Variants in PIK3C2B observed in about 807,000 individuals in gnomAD.
The protein encoded by PIK3C2B is phosphatidylinositol 4-phosphate 3-kinase C2 domain-containing subunit beta.
In PIK3C2B, 83 loss-of-function variants were observed where a neutral mutation model predicts 184.3. The ratio of observed to expected loss-of-function variants is 0.45; its 90% CI spans 0.38 to 0.54. The LOEUF is 0.54. Among genes scored for constraint, PIK3C2B ranks in the 20% least tolerant of loss-of-function variants. The pLI is 0.00. For synonymous variants in PIK3C2B, 779 were observed against 837.6 expected, an observed-to-expected ratio of 0.93 and a Z score of 1.21; for missense variants, 1,736 against 2,113.5, an observed-to-expected ratio of 0.82 and a Z score of 3.50.
chr1:204,422,925 G>A lies in PIK3C2B; in HGVS notation c.*1927C>T, dbSNP rs1028250165. The stretch of plus-strand genomic sequence containing the variant: ...ACTTCCATGCTGCCCTGTGGCTTCG[G>A]TCAATGGAGCTTCTTTCTCCAGTTA... On this transcript the variant is annotated 3_prime_UTR_variant, in exon 33 of 33. Coordinates refer to ENST00000684373, the MANE Select transcript of PIK3C2B (RefSeq NM_001377334.1). 6.6e-6 allele frequency: 1 copy of A among 152,458 alleles called. No homozygotes were observed. Among genetic ancestry groups the A allele is most frequent in the African/African-American group, 2.4e-5 (1 of 41,428 alleles). The allele number at this position is 152,458 out of a possible 1,614,324, so 9.4% of individuals were successfully genotyped here.
chr1:204,487,208 T>C (rs539736005), intron 1 of PIK3C2B, among the ~76,000 whole-genome samples: 1 of 151,716 alleles, frequency 6.6e-6, no homozygotes, highest in East Asian at 1.9e-4. Flanking sequence ...CCAGGTCAAG[T>C]GATCCTCCCA....
intron 12 of PIK3C2B, among the ~76,000 whole-genome samples, chr1:204,454,021 C>T (rs1038397845): frequency 3.3e-5 from 5 of 151,752 alleles, no homozygotes; most frequent in Non-Finnish European, 5.9e-5. Flanking sequence ...GTGATCCGCC[C>T]GCCTCGGCCT....
rs555169746 is a variant in PIK3C2B, at chr1:204,431,242, T to C, written c.4280+427A>G. The C allele has an allele frequency of 1.7e-4, 41 of 243,666 alleles. No homozygotes were observed. The East Asian group carries it at 3.3e-3, about 20-fold the overall frequency. The allele number at this position is 243,666 out of a possible 1,614,324, so 15.1% of individuals were successfully genotyped here. A position where few individuals can be genotyped will look rare whatever the true frequency, so the allele number is the denominator to read the frequency against. ...CAGATAAGTGGAATCGTGCCGTTTT[T>C]GTTTTTTTGTGACTGGCTTATTTCA... On this transcript the variant is annotated intron_variant, in intron 28 of 32. Coordinates refer to ENST00000684373, the MANE Select transcript of PIK3C2B (RefSeq NM_001377334.1).
At chr1:204,483,540 G>A (rs1340548406) in intron 1 of PIK3C2B, among the ~76,000 whole-genome samples, 6 of 152,132 alleles carry the variant, frequency 3.9e-5, no homozygotes, top group East Asian at 1.9e-4. Context: ...CAAGAGCAAC[G>A]CTTTTGCTTT....
intron 1 of PIK3C2B, among the ~76,000 whole-genome samples, chr1:204,488,456 T>A (rs1480311159): frequency 6.6e-6 from 1 of 152,202 alleles, no homozygotes. Context: ...ATTAAAAAGC[T>A]TGGTTTAATT....
chr1:204,425,536 TC>T (rs1439311942), intron 32 of PIK3C2B, 76 bp downstream of exon 32: 5 of 1,483,312 alleles, frequency 3.4e-6, no homozygotes, highest in Non-Finnish European at 4.7e-6. Context: ...CTTAATACGT[TC>T]TTCAATACGA....
In PIK3C2B at chr1:204,468,863, TC is replaced by T; in HGVS notation, c.933+6del. On this transcript the variant is annotated splice_donor_region_variant and intron_variant, in intron 2 of 32. Coordinates refer to ENST00000684373, the MANE Select transcript of PIK3C2B (RefSeq NM_001377334.1). The stretch of plus-strand genomic sequence containing the variant: ...GGAAGGCAGAAGAAACACAAGAAGG[TC>T]CTCACCGGGGCTGCAGAAATCCGGC... 1 of 1,566,036 alleles carries T rather than the reference TC, an allele frequency of 6.4e-7. No individual in the cohort carries two copies. The highest frequency in any genetic ancestry group is 8.7e-7 in the Non-Finnish European group (1 of 1,155,930).
At chr1:204,466,444 C>G (rs1655796385) in intron 2 of PIK3C2B, among the ~76,000 whole-genome samples, 1 of 143,596 alleles carries the variant, frequency 7.0e-6, no homozygotes, top group African/African-American at 2.8e-5. Flanking sequence ...GGTTGACCCT[C>G]TCTTGTTAGG....
chr1:204,425,144 G>T, intron 32 of PIK3C2B, 104 bp from the exon 33 acceptor site: 1 of 868,578 alleles, frequency 1.2e-6, no homozygotes. Flanking sequence ...GGCTGATCCA[G>T]CTGAGGCTAG....
intron 1 of PIK3C2B, among the ~76,000 whole-genome samples, 163 bp downstream of exon 1, chr1:204,494,193 G>C (rs1658214388): frequency 6.6e-6 from 1 of 152,218 alleles, no homozygotes; most frequent in Non-Finnish European, 1.5e-5. Context: ...GGCTCCCACG[G>C]CGTCCGCCGC....
At chr1:204,457,131 G>C in intron 9 of PIK3C2B, 61 bp from the exon 10 acceptor site, 1 of 1,437,618 alleles carries the variant, frequency 7.0e-7, no homozygotes, top group Non-Finnish European at 9.5e-7. Context: ...GTCACAGCTG[G>C]AAGAAGGGCT....
chr1:204,433,685 G>T lies in PIK3C2B; in HGVS notation c.3843+108C>A. On this transcript the variant is annotated intron_variant, in intron 25 of 32. Coordinates refer to ENST00000684373, the MANE Select transcript of PIK3C2B (RefSeq NM_001377334.1). This position sits in a 1 kb window ranked among gnomAD's most constrained non-coding sequence, Gnocchi z 5.0. ...TAGGGCAGGCAGGTATTCAGTTGGGGCTCAGAGAGGTAAATCTCTAGAAAT... is the reference window on the plus strand; with the variant it reads ...TAGGGCAGGCAGGTATTCAGTTGGGTCTCAGAGAGGTAAATCTCTAGAAAT... 9.1e-7 allele frequency: 1 copy of T among 1,100,666 alleles called. No homozygotes were observed. The highest frequency in any genetic ancestry group is 1.4e-6 in the Non-Finnish European group (1 of 734,934). 68.2% of individuals were successfully genotyped at this position (1,100,666 alleles called of 1,614,324 possible).
At chr1:204,457,896 G>C in intron 8 of PIK3C2B, 22 bp from the exon 9 acceptor site, 1 of 1,608,598 alleles carries the variant, frequency 6.2e-7, no homozygotes, top group Non-Finnish European at 8.5e-7. Flanking sequence ...GGCACAGTGA[G>C]GCTGGCAGGC....
Position 204,449,029 on chromosome 1 carries a change from A to G in PIK3C2B, c.2346+156T>C, listed in dbSNP as rs1654117866. 6.5e-5 allele frequency: 41 copies of G among 634,888 alleles called. No individual in the cohort carries two copies. In the South Asian group the frequency reaches 7.5e-4, roughly 12 times the overall value. The allele number at this position is 634,888 out of a possible 1,614,324, so 39.3% of individuals were successfully genotyped here. On this transcript the variant is annotated intron_variant, in intron 14 of 32. Coordinates refer to ENST00000684373, the MANE Select transcript of PIK3C2B (RefSeq NM_001377334.1). ...AGAGCTCACCTCACAATCCACATCT[A>G]ACCATATTCCCTCAGTTGCTTCAGT... is the stretch of plus-strand genomic sequence containing the variant.
intron 1 of PIK3C2B, among the ~76,000 whole-genome samples, chr1:204,491,801 C>T (rs1246150221): frequency 6.6e-6 from 1 of 152,250 alleles, no homozygotes; most frequent in Non-Finnish European, 1.5e-5. Context: ...CCACCTCTAT[C>T]ATTTACTAGC....
chr1:204,447,308 G>C lies in PIK3C2B; in HGVS notation c.2489+128C>G, dbSNP rs1653960197. The C allele has an allele frequency of 1.2e-6, 1 of 829,658 alleles. No homozygotes were observed. Among genetic ancestry groups the C allele is most frequent in the Non-Finnish European group, 1.9e-6 (1 of 526,372 alleles). The allele number at this position is 829,658 out of a possible 1,614,324, so 51.4% of individuals were successfully genotyped here. A position where few individuals can be genotyped will look rare whatever the true frequency, so the allele number is the denominator to read the frequency against. Reference sequence around the variant, plus strand: ...GCTGATGGAGAAAGGCCTGGGGGCTGCCTCCACTTCCTGCTGAGATGGCAA... The same window carrying C: ...GCTGATGGAGAAAGGCCTGGGGGCTCCCTCCACTTCCTGCTGAGATGGCAA... On this transcript the variant is annotated intron_variant, in intron 15 of 32. Transcript: ENST00000684373. The surrounding 1 kb of genome is among the most constrained non-coding windows in gnomAD (Gnocchi z 4.1).
chr1:204,444,822 T>G (rs1653708878), intron 16 of PIK3C2B, among the ~76,000 whole-genome samples: 1 of 152,254 alleles, frequency 6.6e-6, no homozygotes, highest in African/African-American at 2.4e-5. Flanking sequence ...TAATGCAAAA[T>G]GTACCACGCA....
intron 31 of PIK3C2B, among the ~76,000 whole-genome samples, chr1:204,426,873 C>T (rs1674771218): frequency 6.6e-6 from 1 of 152,180 alleles, no homozygotes; most frequent in Non-Finnish European, 1.5e-5. Flanking sequence ...TGGTGGCTCA[C>T]ACCTATAATC....
At chr1:204,490,198 T>C (rs1657916252) in intron 1 of PIK3C2B, 1 of 357,244 alleles carries the variant, frequency 2.8e-6, no homozygotes, top group Admixed American at 4.7e-5. Context: ...CTACAGAGAG[T>C]TCTCAGGAAG....
Sources: allele counts gnomAD v4.1 joint callset (sites outside exome capture counted in the v4.1 genomes callset), GRCh38; gene constraint gnomAD v4.1.1; non-coding constraint Gnocchi (gnomAD v3.1); transcripts MANE v1.5; gene names NCBI Gene and HGNC (gene_info 2026-07-23, HGNC 2026-07-21).